Variants in OR2L13 observed in about 807,000 individuals in gnomAD.
OR2L13 encodes olfactory receptor family 2 subfamily L member 13.
OR2L13 carries 14 observed loss-of-function variants against 15.3 expected under a neutral mutation model. The observed-to-expected ratio is 0.91, with a 90% CI of 0.60 to 1.43. The LOEUF is 1.43. Ranked by LOEUF, OR2L13 falls within the 40% of genes most tolerant of loss-of-function variation. The pLI is 0.00. For missense variants in OR2L13, 367 were observed against 387.9 expected, an observed-to-expected ratio of 0.95 and a Z score of 0.45; for synonymous variants, 152 against 142.9, an observed-to-expected ratio of 1.06 and a Z score of -0.45.
the OR2L13 span, chr1:247,966,077 A>G: frequency 6.2e-7 from 1 of 1,614,212 alleles, no homozygotes; most frequent in East Asian, 2.2e-5. Flanking sequence ...GGAAAAGGAC[A>G]GGCAAAAGCT....
the OR2L13 span, among the ~76,000 whole-genome samples, chr1:247,987,945 CATGT>C: frequency 6.6e-6 from 1 of 151,952 alleles, no homozygotes; most frequent in East Asian, 1.9e-4. Flanking sequence ...TACATACATG[CATGT>C]ATTTCTTCTG....
chr1:248,086,416 C>T, the OR2L13 span, among the ~76,000 whole-genome samples: 1 of 151,976 alleles, frequency 6.6e-6, no homozygotes, highest in Non-Finnish European at 1.5e-5. Flanking sequence ...AATAAATAAA[C>T]CTGTATTATG....
At chr1:248,002,801 T>G in the OR2L13 span, among the ~76,000 whole-genome samples, 2 of 148,778 alleles carry the variant, frequency 1.3e-5, no homozygotes, top group Non-Finnish European at 3.0e-5. Context: ...GAGCTTGCAG[T>G]GAGCCGAGAT....
the OR2L13 span, among the ~76,000 whole-genome samples, chr1:247,971,584 A>T: frequency 6.6e-6 from 1 of 152,318 alleles, no homozygotes; most frequent in Non-Finnish European, 1.5e-5. Context: ...TAAAGTGAGT[A>T]TAACTTCTTG....
the OR2L13 span, among the ~76,000 whole-genome samples, chr1:248,014,085 A>G: frequency 2.0e-5 from 3 of 152,136 alleles, no homozygotes; most frequent in African/African-American, 7.2e-5. Flanking sequence ...CCTCATTTGT[A>G]CTTGGTTGGT....
At chr1:247,979,674 C>A in the OR2L13 span, among the ~76,000 whole-genome samples, 5 of 151,998 alleles carry the variant, frequency 3.3e-5, no homozygotes, top group Non-Finnish European at 7.4e-5. Context: ...CACTGTCCAG[C>A]CTGTCCCAAT....
At chr1:248,035,807 T>C in the OR2L13 span, among the ~76,000 whole-genome samples, 1 of 152,062 alleles carries the variant, frequency 6.6e-6, no homozygotes, top group African/African-American at 2.4e-5. Flanking sequence ...TCATTACCTT[T>C]CTCCCATTCT....
At chr1:248,096,057 C>T (rs1195764000), upstream of OR2L13, among the ~76,000 whole-genome samples, 1 of 152,000 alleles carries the variant, frequency 6.6e-6, no homozygotes, top group African/African-American at 2.4e-5. Flanking sequence ...CTCTGCTGCA[C>T]AGGGAATAGA....
At chr1:247,989,476 T>G in the OR2L13 span, among the ~76,000 whole-genome samples, 1 of 152,170 alleles carries the variant, frequency 6.6e-6, no homozygotes, top group African/African-American at 2.4e-5. Flanking sequence ...TCTGAGTTTG[T>G]GTTGGGCAGC....
chr1:247,997,105 A>G, the OR2L13 span: 1 of 152,196 alleles, frequency 6.6e-6, no homozygotes, highest in Non-Finnish European at 1.5e-5. Context: ...TGCATATCAA[A>G]ATAAATATAA....
At chr1:247,990,530 A>G in the OR2L13 span, 1 of 1,572,084 alleles carries the variant, frequency 6.4e-7, no homozygotes, top group Non-Finnish European at 8.8e-7. Context: ...CTGTATGGAA[A>G]CAAGTCTATC....
chr1:247,947,395 T>C, the OR2L13 span, among the ~76,000 whole-genome samples: 1 of 152,348 alleles, frequency 6.6e-6, no homozygotes, highest in Non-Finnish European at 1.5e-5. Context: ...ATTCTGGTGA[T>C]CTTTGGCTCT....
the OR2L13 span, chr1:248,022,901 T>A: frequency 6.3e-7 from 1 of 1,587,324 alleles, no homozygotes; most frequent in South Asian, 1.2e-5. Context: ...ACGTTCTGTG[T>A]TAGAGTCAAA....
chr1:247,992,720 T>C, the OR2L13 span, among the ~76,000 whole-genome samples: 1 of 152,338 alleles, frequency 6.6e-6, no homozygotes, highest in South Asian at 2.1e-4. Flanking sequence ...CTGTTTTTTA[T>C]AGCTGTGTAG....
chr1:248,072,544 T>C, the OR2L13 span, among the ~76,000 whole-genome samples: 1 of 152,092 alleles, frequency 6.6e-6, no homozygotes, highest in Admixed American at 6.5e-5. Context: ...ACCTAGGCAT[T>C]ACCATTCAGG....
chr1:247,965,277 T>A, the OR2L13 span: 12 of 1,367,816 alleles, frequency 8.8e-6, no homozygotes, highest in South Asian at 1.5e-4. Context: ...AGTGAATATT[T>A]ATTTCTGAAT....
At chr1:248,052,418 C>T in the OR2L13 span, among the ~76,000 whole-genome samples, 2 of 152,016 alleles carry the variant, frequency 1.3e-5, no homozygotes, top group African/African-American at 2.4e-5. Context: ...ACTATAGCTT[C>T]GAGTAAGTTT....
the OR2L13 span, among the ~76,000 whole-genome samples, chr1:248,024,691 A>G: frequency 6.6e-6 from 1 of 152,112 alleles, no homozygotes; most frequent in African/African-American, 2.4e-5. Flanking sequence ...TGTTTTTCTC[A>G]GGTTTGTCAA....
the OR2L13 span, among the ~76,000 whole-genome samples, chr1:247,964,911 CAT>C: frequency 1.3e-5 from 2 of 148,796 alleles, no homozygotes; most frequent in South Asian, 2.1e-4. Context: ...CATAAATACA[CAT>C]GAGTAATATG....
Sources: gnomAD v4.1 joint callset for allele counts (sites outside exome capture counted in the v4.1 genomes callset) on GRCh38, gnomAD v4.1.1 for gene constraint, MANE v1.5 for transcripts, NCBI Gene and HGNC (gene_info 2026-07-23, HGNC 2026-07-21) for gene names.